Variants in KDM6A observed in about 807,000 individuals in gnomAD.
KDM6A encodes the protein lysine-specific demethylase 6A.
Under a neutral mutation model 117.6 loss-of-function variants are expected in KDM6A, and 11 were observed. The observed-to-expected ratio is 0.09, with a 90% CI of 0.06 to 0.15. KDM6A has a LOEUF of 0.15. Among genes scored for constraint, KDM6A ranks in the 10% least tolerant of loss-of-function variants. The probability of loss-of-function intolerance (pLI) is 1.00; values close to 1 mark genes in which losing one functional copy is unlikely to be tolerated. For missense variants in KDM6A, 799 were observed against 1,077.3 expected, an observed-to-expected ratio of 0.74 and a Z score of 3.62; for synonymous variants, 384 against 396.1, an observed-to-expected ratio of 0.97 and a Z score of 0.36.
Position 45,071,442 on chromosome X carries a change from G to A in KDM6A, c.2858+1085G>A, listed in dbSNP as rs368397666. Among the ~76,000 whole-genome samples the A allele has an allele frequency of 4.3e-4, 48 of 111,742 alleles. 3 individuals are homozygous for A. The highest frequency in any genetic ancestry group is 2.7e-3 in the Admixed American group (28 of 10,529). On this transcript the variant is annotated intron_variant, in intron 18 of 29. Coordinates refer to ENST00000611820, the MANE Select transcript of KDM6A (RefSeq NM_001291415.2). ...ACTTATATGTCTTATTTATTGTTAT[G>A]TAAAAGTGTGATTATCTTTTCTGTT...
rs187140505 is a variant in KDM6A, at chrX:44,881,300, G to A, written c.225+7313G>A. Reference sequence around the variant, plus strand: ...ACAAAAATTATCTGGGTGTGATGGCGCGTACCTGTAATCCCAGCTACTCGA... The same window carrying A: ...ACAAAAATTATCTGGGTGTGATGGCACGTACCTGTAATCCCAGCTACTCGA... On this transcript the variant is annotated intron_variant, in intron 2 of 29. Coordinates refer to ENST00000611820, the MANE Select transcript of KDM6A (RefSeq NM_001291415.2). Among the ~76,000 whole-genome samples the A allele has an allele frequency of 1.6e-3, 179 of 111,868 alleles. 1 individual carries two copies. Among genetic ancestry groups the A allele is most frequent in the African/African-American group, 5.7e-3 (175 of 30,812 alleles).
At chrX:45,021,427 G>A (rs1402197005) in intron 6 of KDM6A, among the ~76,000 whole-genome samples, 1 of 111,597 alleles carries the variant, frequency 9.0e-6, no homozygotes, top group African/African-American at 3.2e-5. Flanking sequence ...GTAGGAAAAA[G>A]TTTAAGTTTT....
chrX:44,876,847 A>G (rs764125724), intron 2 of KDM6A, among the ~76,000 whole-genome samples: 1 of 111,079 alleles, frequency 9.0e-6, no homozygotes, highest in South Asian at 3.7e-4. Flanking sequence ...TTGTCCCTTA[A>G]CATATGTACG....
intron 4 of KDM6A, among the ~76,000 whole-genome samples, chrX:44,992,919 A>G (rs893053497): frequency 3.9e-4 from 44 of 112,058 alleles, no homozygotes; most frequent in African/African-American, 1.2e-3. Context: ...GGTGGTAGTC[A>G]TGATATATAG....
chrX:45,033,863 C>T (rs1281272005), intron 6 of KDM6A, among the ~76,000 whole-genome samples: 1 of 110,965 alleles, frequency 9.0e-6, no homozygotes, highest in East Asian at 2.8e-4. Context: ...AAGAGACATT[C>T]TTGAGTGAAT....
At chrX:44,882,090 A>C (rs1275196415) in intron 2 of KDM6A, among the ~76,000 whole-genome samples, 2 of 111,994 alleles carry the variant, frequency 1.8e-5, no homozygotes, top group South Asian at 3.6e-4. Context: ...AAGGTCATCT[A>C]ATTCATTTTA....
chrX:45,008,299 G>A (rs1279577836), intron 4 of KDM6A, among the ~76,000 whole-genome samples: 2 of 111,150 alleles, frequency 1.8e-5, no homozygotes, highest in African/African-American at 3.3e-5. Context: ...GCGTGAACCC[G>A]GGAGGTGGAG....
chrX:44,954,497 A>G (rs1602329840), intron 2 of KDM6A, among the ~76,000 whole-genome samples: 1 of 112,140 alleles, frequency 8.9e-6, no homozygotes, highest in East Asian at 2.8e-4. Context: ...TACTGCAACA[A>G]ATTCTTTTAC....
chrX:44,989,099 G>A lies in KDM6A; in HGVS notation c.384+14384G>A, dbSNP rs144771007. Among the ~76,000 whole-genome samples the A allele has an allele frequency of 3.8e-3, 403 of 106,434 alleles. 2 individuals are homozygous for A. Among genetic ancestry groups the A allele is most frequent in the Admixed American group, 5.9e-3 (57 of 9,663 alleles). The allele number at this position is 106,434 out of a possible 115,157, so 92.4% of individuals were successfully genotyped here. A position where few individuals can be genotyped will look rare whatever the true frequency, so the allele number is the denominator to read the frequency against. On this transcript the variant is annotated intron_variant, in intron 4 of 29. Coordinates refer to ENST00000611820, the MANE Select transcript of KDM6A (RefSeq NM_001291415.2). ...GGCTTTGTTTACCTACTCAAGCCTC[G>A]GCAATGGGGGCGCCCCTCCCCAGCC...
chrX:45,029,452 A>T (rs1321752193), intron 6 of KDM6A, among the ~76,000 whole-genome samples: 2 of 109,223 alleles, frequency 1.8e-5, no homozygotes, highest in African/African-American at 6.7e-5. Context: ...ATACATACAT[A>T]CATACAAAAT....
At chrX:45,039,510 T>A (rs983253047) in intron 8 of KDM6A, among the ~76,000 whole-genome samples, 5 of 83,723 alleles carry the variant, frequency 6.0e-5, no homozygotes, top group Non-Finnish European at 1.0e-4. Context: ...ATAATTTTTT[T>A]TTTTTTTTTT....
At chrX:45,024,249 C>T (rs2147697967) in intron 6 of KDM6A, among the ~76,000 whole-genome samples, 1 of 111,935 alleles carries the variant, frequency 8.9e-6, no homozygotes, top group Non-Finnish European at 1.9e-5. Flanking sequence ...TTTACATTCC[C>T]ACCAGCAGTG....
chrX:44,876,616 C>A (rs1224459971), intron 2 of KDM6A, among the ~76,000 whole-genome samples: 2 of 84,337 alleles, frequency 2.4e-5, no homozygotes, highest in African/African-American at 8.5e-5. Context: ...TCCTGCCATG[C>A]CCCCCCACCC....
intron 4 of KDM6A, among the ~76,000 whole-genome samples, chrX:44,981,491 A>T (rs1369512935): frequency 8.9e-6 from 1 of 111,991 alleles, no homozygotes; most frequent in East Asian, 2.8e-4. Context: ...GCAGCTATCC[A>T]GAAGCTCTCC....
intron 17 of KDM6A, among the ~76,000 whole-genome samples, chrX:45,067,437 C>T (rs1411631083): frequency 9.0e-6 from 1 of 111,051 alleles, no homozygotes; most frequent in Non-Finnish European, 1.9e-5. Context: ...AAATATTTTA[C>T]ATTTGATGAA....
chrX:44,987,960 G>T (rs2040334292), intron 4 of KDM6A, among the ~76,000 whole-genome samples: 1 of 111,121 alleles, frequency 9.0e-6, no homozygotes, highest in Admixed American at 9.6e-5. Context: ...GGCCTGCCTT[G>T]CTAGATTGTG....
At chrX:45,009,703 T>C (rs780719485) in intron 4 of KDM6A, among the ~76,000 whole-genome samples, 2 of 111,884 alleles carry the variant, frequency 1.8e-5, no homozygotes, top group South Asian at 7.5e-4. Flanking sequence ...GTAGTATAAT[T>C]ACCCTAGTTC....
At chrX:45,095,688 C>T (rs1292660002) in intron 27 of KDM6A, among the ~76,000 whole-genome samples, 2 of 111,545 alleles carry the variant, frequency 1.8e-5, no homozygotes, top group African/African-American at 6.5e-5. Context: ...GCCATTCCTT[C>T]CCTCTGCTTT....
chrX:44,874,630 AT>A (rs2031282298), intron 2 of KDM6A, among the ~76,000 whole-genome samples: 1 of 111,038 alleles, frequency 9.0e-6, no homozygotes, highest in Non-Finnish European at 1.9e-5. Context: ...CTGGAGCCTC[AT>A]TTCCTGTGTG....
Sources: allele counts gnomAD v4.1 joint callset (sites outside exome capture counted in the v4.1 genomes callset), GRCh38; gene constraint gnomAD v4.1.1; transcripts MANE v1.5; gene names NCBI Gene and HGNC (gene_info 2026-07-23, HGNC 2026-07-21).